Variants in SLC26A9 observed in about 807,000 individuals in gnomAD.
SLC26A9 encodes the protein anion transporter/exchanger protein 9.
A neutral mutation model predicts 87.1 loss-of-function variants in SLC26A9; 46 were observed. That is an observed-to-expected ratio of 0.53 (90% confidence interval 0.42 to 0.67). The LOEUF (loss-of-function observed/expected upper bound fraction) is 0.67. Among genes scored for constraint, SLC26A9 ranks in the 30% least tolerant of loss-of-function variants. The probability of loss-of-function intolerance (pLI) is 0.00; values close to 1 mark genes in which losing one functional copy is unlikely to be tolerated. For synonymous variants in SLC26A9, 437 were observed against 409.1 expected (o/e 1.07, Z -0.82); for missense variants, 927 against 1,018.3 (o/e 0.91, Z 1.22).
intron 19 of SLC26A9, among the ~76,000 whole-genome samples, chr1:205,918,452 C>T (rs1432755618): frequency 1.3e-5 from 2 of 152,182 alleles, no homozygotes; most frequent in Admixed American, 1.3e-4. Flanking sequence ...CCTCCCCTCC[C>T]TTCCCGAAAG....
intron 1 of SLC26A9, 56 bp from the exon 2 acceptor site, chr1:205,935,894 C>A: frequency 5.9e-6 from 9 of 1,535,958 alleles, no homozygotes; most frequent in Non-Finnish European, 7.9e-6. Flanking sequence ...TAGTGCCAGC[C>A]CAGGCCTTCT....
intron 5 of SLC26A9, 154 bp from the exon 6 acceptor site, chr1:205,930,210 C>T: frequency 1.4e-6 from 1 of 715,770 alleles, no homozygotes; most frequent in Non-Finnish European, 2.1e-6. Flanking sequence ...TTCACCTGCC[C>T]TTCACTGTGC....
intron 1 of SLC26A9, among the ~76,000 whole-genome samples, chr1:205,939,282 C>T (rs1158386271): frequency 1.3e-5 from 2 of 152,132 alleles, no homozygotes; most frequent in Admixed American, 6.5e-5. Context: ...TCAGACCTTC[C>T]AGGGACAAAG....
intron 2 of SLC26A9, 89 bp from the exon 3 acceptor site, chr1:205,933,173 A>G (rs1160294577): frequency 1.9e-6 from 3 of 1,538,918 alleles, no homozygotes; most frequent in African/African-American, 1.4e-5. Flanking sequence ...TGCTCATTTC[A>G]TTCATTGGTT....
rs370415227 is a variant in SLC26A9 at position 205,921,879 on chromosome 1, G to C, written c.1774-32C>G. On this transcript the variant is annotated intron_variant, in intron 16 of 20. Coordinates refer to ENST00000367135, the MANE Select transcript of SLC26A9 (RefSeq NM_052934.4). ...GGGTGGGGACAGTGGGCAGAGTCAG[G>C]GACCACCAGACTGAGCCAGACCTTG... 3.9e-5 allele frequency: 62 copies of C among 1,588,884 alleles called. 1 individual carries two copies. The highest frequency in any genetic ancestry group is 4.4e-5 in the Non-Finnish European group (51 of 1,170,028).
chr1:205,942,301 G>T (rs930297281), intron 1 of SLC26A9, among the ~76,000 whole-genome samples: 9 of 152,210 alleles, frequency 5.9e-5, no homozygotes, highest in Non-Finnish European at 1.0e-4. Flanking sequence ...TCTCCATGCT[G>T]CCCAAGCAGG....
intron 1 of SLC26A9, among the ~76,000 whole-genome samples, chr1:205,936,841 A>G (rs1279740387): frequency 6.6e-6 from 1 of 152,110 alleles, no homozygotes. Context: ...GATGCCCCCA[A>G]CTTCCCAGAG....
At position 205,914,922 on chromosome 1, in the gene SLC26A9, C is replaced by A. The variant is rs771696774; in HGVS notation, c.*435G>T. ...TCCGTGACAGCCTGACACCATCTGA[C>A]ACCGAGCCGTGTGGGCTCTGGGACA... On this transcript the variant is annotated 3_prime_UTR_variant, in exon 21 of 21. Coordinates refer to ENST00000367135, the MANE Select transcript of SLC26A9 (RefSeq NM_052934.4). 6.2e-7 allele frequency: 1 copy of A among 1,613,710 alleles called. No individual in the cohort carries two copies. Among genetic ancestry groups the A allele is most frequent in the African/African-American group, 1.3e-5 (1 of 75,034 alleles).
At position 205,923,100 on chromosome 1, in the gene SLC26A9, A is replaced by G. The variant is rs140575203; in HGVS notation, c.1755T>C (p.Ser585=). The stretch of plus-strand genomic sequence containing the variant: ...CATTCACCTTGGTTTTCATGAATAG[A>G]GACCTCCTCTGTTGTGTGGGCCTCA... ...RRMRPTQQRR[S]LFMKTKTVSL... is the part of the protein sequence containing the mutation. Residue 585 remains serine (S), a synonymous_variant, in exon 16 of 21, where the codon TCT becomes TCC. Coordinates refer to ENST00000367135, the MANE Select transcript of SLC26A9 (RefSeq NM_052934.4). 1,533 of 1,614,016 alleles carry G rather than the reference A, an allele frequency of 9.5e-4. 16 individuals carry two copies. The African/African-American group carries it at 0.018, about 19-fold the overall frequency.
At chr1:205,939,887 A>G (rs1306852555) in intron 1 of SLC26A9, among the ~76,000 whole-genome samples, 2 of 152,176 alleles carry the variant, frequency 1.3e-5, no homozygotes, top group African/African-American at 4.8e-5. Flanking sequence ...CAAGTGCCCT[A>G]TTGCCAGAGG....
At position 205,929,232 on chromosome 1, in the gene SLC26A9, C is replaced by A; in HGVS notation, c.842G>T (p.Arg281Leu). ...ELNARYMHKIRFPIPTEMIVV... is the reference protein window; with the variant it reads ...ELNARYMHKILFPIPTEMIVV... ...AATCATCTCTGTAGGGATGGGGAAG[C>A]GAATCTTGTGCATGTAGCGAGCATT... is the stretch of plus-strand genomic sequence containing the variant. Residue 281 changes from arginine to leucine, a missense_variant, in exon 7 of 21, where the codon CGC (arginine) becomes CTC (leucine). By Grantham distance (102) the Arg-to-Leu change is moderately radical (BLOSUM62 -2). Coordinates refer to ENST00000367135, the MANE Select transcript of SLC26A9 (RefSeq NM_052934.4). The A allele has an allele frequency of 6.2e-7, 1 of 1,614,102 alleles. No individual in the cohort carries two copies. Among genetic ancestry groups the A allele is most frequent in the Non-Finnish European group, 8.5e-7 (1 of 1,180,010 alleles).
At position 205,923,107 on chromosome 1, in the gene SLC26A9, C is replaced by T. The variant is rs533106563; in HGVS notation, c.1748G>A (p.Arg583Lys). Residue 583 changes from arginine (R) to lysine (K), a missense_variant, in exon 16 of 21, where the codon AGG (arginine) becomes AAG (lysine). Transcript: ENST00000367135. The part of the protein sequence containing the change: ...EKRRMRPTQQ[R>K]RSLFMKTKTV... The stretch of plus-strand genomic sequence containing the variant: ...CTTGGTTTTCATGAATAGAGACCTC[C>T]TCTGTTGTGTGGGCCTCATTCTCCG... 3 of 1,613,966 alleles carry T rather than the reference C, an allele frequency of 1.9e-6. No homozygotes were observed. The African/African-American group carries it at 4.0e-5, about 22-fold the overall frequency.
intron 17 of SLC26A9, among the ~76,000 whole-genome samples, chr1:205,921,066 C>T (rs1658805989): frequency 6.6e-6 from 1 of 152,246 alleles, no homozygotes; most frequent in African/African-American, 2.4e-5. Flanking sequence ...TTGCTGACTC[C>T]CGCCATTGGC....
intron 8 of SLC26A9, chr1:205,928,319 A>C (rs1261431710): frequency 2.0e-6 from 1 of 500,752 alleles, no homozygotes; most frequent in Non-Finnish European, 3.6e-6. Context: ...GTTAACTCCC[A>C]GATTCTGAAC....
chr1:205,927,430 G>C lies in SLC26A9; in HGVS notation c.1215+62C>G. The C allele has an allele frequency of 6.3e-6, 10 of 1,575,538 alleles. No homozygotes were observed. The South Asian group carries it at 1.1e-4, about 18-fold the overall frequency. ...GAGCTGGCCTGGCTTGCAGTGCCCAGGCTTTTTTGGGGCAACTGTTCTCTT... is the reference window on the plus strand; with the variant it reads ...GAGCTGGCCTGGCTTGCAGTGCCCACGCTTTTTTGGGGCAACTGTTCTCTT... On this transcript the variant is annotated intron_variant, in intron 10 of 20. Coordinates refer to ENST00000367135, the MANE Select transcript of SLC26A9 (RefSeq NM_052934.4).
chr1:205,917,159 C>T, intron 20 of SLC26A9, 124 bp downstream of exon 20: 2 of 756,754 alleles, frequency 2.6e-6, no homozygotes, highest in Non-Finnish European at 4.3e-6. Flanking sequence ...ATCTTTGTGG[C>T]CTTGAATGTG....
chr1:205,924,245 TG>T (rs1406595611), intron 13 of SLC26A9, 137 bp downstream of exon 13: 1 of 747,348 alleles, frequency 1.3e-6, no homozygotes, highest in East Asian at 2.7e-5. Flanking sequence ...GGGCTCTCTT[TG>T]GGCCTGGCAG....
At chr1:205,928,156 G>A in intron 8 of SLC26A9, 107 bp from the exon 9 acceptor site, 17 of 1,351,770 alleles carry the variant, frequency 1.3e-5, no homozygotes, top group Non-Finnish European at 1.5e-5. Context: ...GGTGTGCCGG[G>A]ATCTTTGCCT....
chr1:205,926,848 C>T (rs1212796919), intron 11 of SLC26A9, among the ~76,000 whole-genome samples: 1 of 152,188 alleles, frequency 6.6e-6, no homozygotes, highest in Admixed American at 6.5e-5. Flanking sequence ...TATCTCTCTT[C>T]CCTCATCTCT....
Sources: gnomAD v4.1 joint callset for allele counts (sites outside exome capture counted in the v4.1 genomes callset) on GRCh38, gnomAD v4.1.1 for gene constraint, MANE v1.5 for transcripts, NCBI Gene and HGNC (gene_info 2026-07-23, HGNC 2026-07-21) for gene names.